CPEB2: variants seen among roughly 807,000 people sequenced by gnomAD.
CPEB2 encodes cytoplasmic polyadenylation element binding protein 2, also known as cytoplasmic polyadenylation element-binding protein 2.
CPEB2 carries 56 observed loss-of-function variants against 93.6 expected under a neutral mutation model. The observed-to-expected ratio is 0.60, with a 90% CI of 0.48 to 0.75. CPEB2 has a LOEUF of 0.75. Among genes scored for constraint, CPEB2 ranks in the 30% least tolerant of loss-of-function variants. The pLI, the probability that CPEB2 is intolerant of heterozygous loss-of-function variation, is 0.00. For missense variants in CPEB2, 1,579 were observed against 1,395.1 expected (o/e 1.13, Z -2.10); for synonymous variants, 764 against 586.3 (o/e 1.30, Z -4.38).
rs2108934778 is a variant in CPEB2 at position 15,003,787 on chromosome 4, T to C, written c.1114T>C (p.Ser372Pro). 1.3e-5 allele frequency: 8 copies of C among 629,436 alleles called. No individual in the cohort carries two copies. Among genetic ancestry groups the C allele is most frequent in the Non-Finnish European group, 1.4e-5 (7 of 485,324 alleles). The allele number at this position is 629,436 out of a possible 1,614,324, so 39.0% of individuals were successfully genotyped here. Residue 372 changes from serine (S) to proline (P), a missense_variant, in exon 1 of 12, where the codon TCG becomes CCG. Transcript: ENST00000538197. ...AGGCGGAGGGGGAGGCGGCTCCGCGTCGCCGCCGCCGCTGCCCGGCTTCGG... is the reference window on the plus strand; with the variant it reads ...AGGCGGAGGGGGAGGCGGCTCCGCGCCGCCGCCGCCGCTGCCCGGCTTCGG... Reference protein sequence around the residue: ...PGGGGGGGSASPPPLPGFGTP... With the variant: ...PGGGGGGGSAPPPPLPGFGTP...
intron 4 of CPEB2, among the ~76,000 whole-genome samples, chr4:15,031,900 G>A (rs541672227): frequency 2.6e-5 from 4 of 152,138 alleles, no homozygotes; most frequent in African/African-American, 9.6e-5. Context: ...GAGTGTAGAG[G>A]GCTTGCTGAG....
intron 11 of CPEB2, among the ~76,000 whole-genome samples, chr4:15,065,358 CTT>C (rs1299499179): frequency 6.6e-6 from 1 of 152,062 alleles, no homozygotes; most frequent in Non-Finnish European, 1.5e-5. Context: ...CTGTCTGGCA[CTT>C]TTCAGCCAAA....
intron 5 of CPEB2, among the ~76,000 whole-genome samples, chr4:15,039,895 A>G (rs1275045705): frequency 6.6e-6 from 1 of 152,264 alleles, no homozygotes; most frequent in African/African-American, 2.4e-5. Flanking sequence ...AAACAAGTTT[A>G]ACATTGATTT....
At chr4:15,038,745 C>T (rs764898807) in intron 5 of CPEB2, among the ~76,000 whole-genome samples, 22 of 152,062 alleles carry the variant, frequency 1.4e-4, no homozygotes, top group African/African-American at 4.6e-4. Context: ...CCTGCCACCA[C>T]GCCCGGCTAA....
At chr4:15,056,640 A>G (rs1241828521) in intron 8 of CPEB2, among the ~76,000 whole-genome samples, 2 of 152,136 alleles carry the variant, frequency 1.3e-5, no homozygotes, top group Admixed American at 6.6e-5. Context: ...GTAATTCAGC[A>G]TTTTCCATGG....
Position 15,003,169 on chromosome 4 carries a change from T to G in CPEB2, c.496T>G (p.Phe166Val). Reference sequence around the variant, plus strand: ...CTGCCGCACCTCCTCCCCGCAGGACTTCAGTAAGCGGCAGCAGCAGCAGCT... The same window carrying G: ...CTGCCGCACCTCCTCCCCGCAGGACGTCAGTAAGCGGCAGCAGCAGCAGCT... Reference protein sequence around the residue: ...CCCRTSSPQDFSKRQQQQLSS... With the variant: ...CCCRTSSPQDVSKRQQQQLSS... The change falls in exon 1 of 12, where the codon TTC (phenylalanine) becomes GTC (valine). Residue 166 changes from phenylalanine (F) to valine (V), a missense_variant. Transcript: ENST00000538197. 6.5e-7 allele frequency: 1 copy of G among 1,533,628 alleles called. No homozygotes were observed. The highest frequency in any genetic ancestry group is 8.7e-7 in the Non-Finnish European group (1 of 1,146,062).
rs1729949246 is a variant in CPEB2 at position 15,069,682 on chromosome 4, G to C, written c.*3302G>C. 1 of 151,838 alleles carries C rather than the reference G, an allele frequency of 6.6e-6. No homozygotes were observed. The highest frequency in any genetic ancestry group is 1.5e-5 in the Non-Finnish European group (1 of 67,714). The allele number at this position is 151,838 out of a possible 1,614,324, so 9.4% of individuals were successfully genotyped here. Reference sequence around the variant, plus strand: ...TTTATGTGGAAATATATAATTTTATGACACTAATTGCTAAAGTTTATTTTA... The same window carrying C: ...TTTATGTGGAAATATATAATTTTATCACACTAATTGCTAAAGTTTATTTTA... On this transcript the variant is annotated 3_prime_UTR_variant, in exon 12 of 12. Transcript: ENST00000538197.
intron 4 of CPEB2, among the ~76,000 whole-genome samples, chr4:15,028,832 G>T (rs1725761090): frequency 6.6e-6 from 1 of 152,144 alleles, no homozygotes; most frequent in Non-Finnish European, 1.5e-5. Context: ...TAGAGAATCA[G>T]GGACCAGATA....
intron 6 of CPEB2, among the ~76,000 whole-genome samples, chr4:15,051,300 G>A (rs2109077632): frequency 6.6e-6 from 1 of 152,230 alleles, no homozygotes. Flanking sequence ...TGTCTCGTTA[G>A]CCTGTCATTC....
intron 6 of CPEB2, among the ~76,000 whole-genome samples, chr4:15,047,242 C>T (rs1435475894): frequency 6.6e-6 from 1 of 152,066 alleles, no homozygotes; most frequent in Non-Finnish European, 1.5e-5. Context: ...GTTTTGTACG[C>T]TCTCCTTGAT....
intron 6 of CPEB2, among the ~76,000 whole-genome samples, chr4:15,046,101 G>A (rs1296312188): frequency 6.6e-6 from 1 of 151,946 alleles, no homozygotes; most frequent in Non-Finnish European, 1.5e-5. Context: ...ATGAGCACTC[G>A]TTTCTCTTGG....
chr4:15,065,475 C>T (rs1483024652), intron 11 of CPEB2, among the ~76,000 whole-genome samples: 4 of 152,024 alleles, frequency 2.6e-5, no homozygotes, highest in Non-Finnish European at 5.9e-5. Flanking sequence ...TACCATGTGC[C>T]GAGCACTGTC....
intron 7 of CPEB2, 122 bp from the exon 8 acceptor site, chr4:15,054,006 T>C (rs865996334): frequency 1.7e-6 from 1 of 590,920 alleles, no homozygotes; most frequent in South Asian, 2.4e-5. Flanking sequence ...AGTGTTTATA[T>C]TCTAATTTAT....
intron 1 of CPEB2, chr4:15,005,293 GGT>G (rs1487701475): frequency 6.6e-6 from 1 of 152,262 alleles, no homozygotes; most frequent in Non-Finnish European, 1.5e-5. Context: ...ATCTGGGATT[GGT>G]GTGTTTCCTC....
chr4:15,014,048 A>C (rs1255223420), intron 3 of CPEB2, among the ~76,000 whole-genome samples: 1 of 152,054 alleles, frequency 6.6e-6, no homozygotes, highest in Non-Finnish European at 1.5e-5. Flanking sequence ...TTTCTCTTTC[A>C]TACTTTAAAT....
chr4:15,029,084 T>G (rs1725802100), intron 4 of CPEB2, among the ~76,000 whole-genome samples: 1 of 152,092 alleles, frequency 6.6e-6, no homozygotes, highest in South Asian at 2.1e-4. Context: ...GCCTATAACC[T>G]GTGCACATCT....
chr4:15,021,668 G>T (rs1017180228), intron 4 of CPEB2, among the ~76,000 whole-genome samples: 1 of 152,140 alleles, frequency 6.6e-6, no homozygotes, highest in African/African-American at 2.4e-5. Context: ...GTGTCAGTAA[G>T]TCGTAATGCC....
chr4:15,023,304 T>C (rs1203270968), intron 4 of CPEB2, among the ~76,000 whole-genome samples: 2 of 152,024 alleles, frequency 1.3e-5, no homozygotes, highest in South Asian at 2.1e-4. Context: ...TAACTACTTA[T>C]AGTATTTGAA....
intron 3 of CPEB2, among the ~76,000 whole-genome samples, chr4:15,014,223 G>T (rs1016963210): frequency 1.3e-5 from 2 of 152,044 alleles, no homozygotes; most frequent in Admixed American, 6.6e-5. Context: ...GTCATCGGTT[G>T]ACTGGGCATA....
Sources: allele counts gnomAD v4.1 joint callset (sites outside exome capture counted in the v4.1 genomes callset), GRCh38; gene constraint gnomAD v4.1.1; transcripts MANE v1.5; gene names NCBI Gene and HGNC (gene_info 2026-07-23, HGNC 2026-07-21).